DPH6: variants seen among roughly 807,000 people sequenced by gnomAD.
DPH6 encodes diphthine--ammonia ligase.
Under a neutral mutation model 38.2 loss-of-function variants are expected in DPH6, and 33 were observed. The ratio of observed to expected loss-of-function variants is 0.86; its 90% CI spans 0.65 to 1.15. The LOEUF (loss-of-function observed/expected upper bound fraction) is 1.15. Ranked by LOEUF, DPH6 falls within the 50% of genes most tolerant of loss-of-function variation. The probability of loss-of-function intolerance (pLI) is 0.00; values close to 1 mark genes in which losing one functional copy is unlikely to be tolerated. For missense variants in DPH6, 325 were observed against 320.0 expected, an observed-to-expected ratio of 1.02 and a Z score of -0.12; for synonymous variants, 108 against 103.0, an observed-to-expected ratio of 1.05 and a Z score of -0.30.
chr15:35,495,464 T>C (rs985702521), intron 3 of DPH6, among the ~76,000 whole-genome samples: 24 of 152,192 alleles, frequency 1.6e-4, no homozygotes, highest in African/African-American at 5.8e-4. Context: ...TGGTACTTTG[T>C]TATGGTAGCC....
intron 3 of DPH6, among the ~76,000 whole-genome samples, chr15:35,340,370 C>A (rs2052411341): frequency 6.6e-6 from 1 of 152,110 alleles, no homozygotes; most frequent in South Asian, 2.1e-4. Context: ...GTATTTAGCC[C>A]ATTTACATTT....
At chr15:35,176,006 T>G in the DPH6 span, among the ~76,000 whole-genome samples, 2 of 152,232 alleles carry the variant, frequency 1.3e-5, no homozygotes, top group African/African-American at 4.8e-5. Flanking sequence ...TTAAATCAGT[T>G]ACTTTAAATT....
At chr15:35,425,802 T>C (rs909026764) in intron 5 of DPH6, among the ~76,000 whole-genome samples, 6 of 133,824 alleles carry the variant, frequency 4.5e-5, no homozygotes, top group Non-Finnish European at 3.1e-5. Flanking sequence ...TATATATATA[T>C]GACATGACAT....
At chr15:35,313,146 T>C (rs939390340) in intron 3 of DPH6, among the ~76,000 whole-genome samples, 2 of 152,068 alleles carry the variant, frequency 1.3e-5, no homozygotes, top group African/African-American at 4.8e-5. Context: ...GGCAGGAGAA[T>C]GGCTTGAACC....
intron 3 of DPH6, among the ~76,000 whole-genome samples, chr15:35,325,734 C>G (rs149457412): frequency 6.6e-6 from 1 of 152,114 alleles, no homozygotes; most frequent in Admixed American, 6.5e-5. Flanking sequence ...ATAAACTGTA[C>G]TGCACTAAAT....
At chr15:35,160,321 C>G in the DPH6 span, among the ~76,000 whole-genome samples, 1 of 152,012 alleles carries the variant, frequency 6.6e-6, no homozygotes. Context: ...TCTTCACTGA[C>G]TTCTCTTTCT....
chr15:35,478,824 T>TTAGA (rs1045880150), intron 3 of DPH6, among the ~76,000 whole-genome samples: 1 of 152,010 alleles, frequency 6.6e-6, no homozygotes, highest in Non-Finnish European at 1.5e-5. Flanking sequence ...CCTACAATTA[T>TTAGA]TAGATAGATA....
chr15:35,286,223 T>C (rs1048039148), intron 3 of DPH6, among the ~76,000 whole-genome samples: 1 of 152,232 alleles, frequency 6.6e-6, no homozygotes, highest in African/African-American at 2.4e-5. Flanking sequence ...ATTACAATAC[T>C]GTAGCAGCAG....
At chr15:35,152,560 T>C in the DPH6 span, among the ~76,000 whole-genome samples, 6 of 152,236 alleles carry the variant, frequency 3.9e-5, no homozygotes, top group African/African-American at 1.4e-4. Context: ...AGTGCAATAG[T>C]GCGATCTCCG....
chr15:35,191,925 G>C, the DPH6 span, among the ~76,000 whole-genome samples: 1 of 152,166 alleles, frequency 6.6e-6, no homozygotes, highest in African/African-American at 2.4e-5. Context: ...TTGAGAGTCA[G>C]ATTTGAGACT....
intron 3 of DPH6, among the ~76,000 whole-genome samples, chr15:35,517,495 A>G (rs1330839689): frequency 6.6e-6 from 1 of 152,086 alleles, no homozygotes; most frequent in Admixed American, 6.6e-5. Flanking sequence ...AATTTTAAAC[A>G]TATTTCTTAC....
intron 6 of DPH6, among the ~76,000 whole-genome samples, chr15:35,402,416 G>C (rs1776385689): frequency 6.6e-6 from 1 of 152,136 alleles, no homozygotes; most frequent in Non-Finnish European, 1.5e-5. Flanking sequence ...TAAAATTATA[G>C]ATGGGACTGA....
chr15:35,249,130 C>T lies in DPH6; in HGVS notation n.201-28548G>A, dbSNP rs191998230. ...CATACAAAGACAAATGTTAATATAG[C>T]GGCTGGACACATTAGGAAAGCATTC... On this transcript the variant is annotated intron_variant and non_coding_transcript_variant, in intron 3 of 3. Transcript: ENST00000560386. Among the ~76,000 whole-genome samples the T allele has an allele frequency of 1.9e-3, 291 of 152,200 alleles. 3 individuals carry two copies. Among genetic ancestry groups the T allele is most frequent in the African/African-American group, 6.8e-3 (283 of 41,522 alleles).
chr15:35,317,274 A>AG (rs2052198739), intron 3 of DPH6, among the ~76,000 whole-genome samples: 1 of 84,236 alleles, frequency 1.2e-5, no homozygotes, highest in African/African-American at 4.6e-5. Flanking sequence ...AGAAAGAAAG[A>AG]AAGAGAGAGA....
At chr15:35,494,881 T>G (rs961637198) in intron 3 of DPH6, among the ~76,000 whole-genome samples, 1 of 152,054 alleles carries the variant, frequency 6.6e-6, no homozygotes, top group South Asian at 2.1e-4. Context: ...GCAAGTACCA[T>G]ACTTATTGGT....
chr15:35,527,511 A>C (rs927979257), intron 3 of DPH6, among the ~76,000 whole-genome samples: 5 of 152,178 alleles, frequency 3.3e-5, no homozygotes, highest in Admixed American at 2.6e-4. Context: ...TTTTCTTAAA[A>C]TCTTAGCTTT....
At chr15:35,442,400 C>T (rs963985799) in intron 5 of DPH6, among the ~76,000 whole-genome samples, 4 of 152,116 alleles carry the variant, frequency 2.6e-5, no homozygotes, top group African/African-American at 9.7e-5. Flanking sequence ...GATGTGAAAA[C>T]CTGGAACCCT....
At chr15:35,454,871 TCCA>T in intron 3 of DPH6, 51 bp from the exon 4 acceptor site, 1 of 1,333,814 alleles carries the variant, frequency 7.5e-7, no homozygotes, top group African/African-American at 1.5e-5. Context: ...AACAAATGGC[TCCA>T]CATCATGCTC....
intron 3 of DPH6, among the ~76,000 whole-genome samples, chr15:35,532,192 T>A (rs1595448459): frequency 6.6e-6 from 1 of 152,230 alleles, no homozygotes; most frequent in Non-Finnish European, 1.5e-5. Flanking sequence ...AGGATCAGAC[T>A]AGTAGGACTG....
Sources: gnomAD v4.1 joint callset for allele counts (sites outside exome capture counted in the v4.1 genomes callset) on GRCh38, gnomAD v4.1.1 for gene constraint, MANE v1.5 for transcripts, NCBI Gene and HGNC (gene_info 2026-07-23, HGNC 2026-07-21) for gene names.